RPS6KC1: variants seen among roughly 807,000 people sequenced by gnomAD.
The protein encoded by RPS6KC1 is inactive ribosomal protein S6 kinase delta-1.
A neutral mutation model predicts 103.8 loss-of-function variants in RPS6KC1; 54 were observed. The observed-to-expected ratio is 0.52, with a 90% CI of 0.42 to 0.65. The LOEUF (loss-of-function observed/expected upper bound fraction) is 0.65, where lower values mean the gene tolerates loss of function less well. Among genes scored for constraint, RPS6KC1 ranks in the 30% least tolerant of loss-of-function variants. The pLI is 0.00. For missense variants in RPS6KC1, 1,151 were observed against 1,253.8 expected (o/e 0.92, Z 1.24); for synonymous variants, 439 against 438.7 (o/e 1.00, Z -0.01).
chr1:213,130,523 T>C (rs1390667373), intron 6 of RPS6KC1, among the ~76,000 whole-genome samples: 5 of 152,172 alleles, frequency 3.3e-5, no homozygotes, highest in African/African-American at 1.2e-4. Context: ...TAATCAAAGA[T>C]TGATATTGAC....
chr1:213,438,933 A>G, the RPS6KC1 span, among the ~76,000 whole-genome samples: 1 of 151,744 alleles, frequency 6.6e-6, no homozygotes, highest in South Asian at 2.1e-4. Context: ...AGCTGGGACT[A>G]CAGGCACGTG....
At chr1:213,307,913 G>C in the RPS6KC1 span, among the ~76,000 whole-genome samples, 1 of 152,320 alleles carries the variant, frequency 6.6e-6, no homozygotes, top group African/African-American at 2.4e-5. Context: ...CACAGTACTT[G>C]CTTGGGACCT....
chr1:213,714,386 A>C, the RPS6KC1 span, among the ~76,000 whole-genome samples: 1 of 152,278 alleles, frequency 6.6e-6, no homozygotes, highest in African/African-American at 2.4e-5. Flanking sequence ...AGTCATTTTC[A>C]TACCAGTAGA....
rs149966066 is a variant in RPS6KC1, at chr1:213,093,454, C to T, written c.263-11000C>T. 2.4e-3 allele frequency among the ~76,000 whole-genome samples: 369 copies of T among 152,204 alleles called. 1 individual carries two copies. Among genetic ancestry groups the T allele is most frequent in the African/African-American group, 8.5e-3 (351 of 41,522 alleles). On this transcript the variant is annotated intron_variant, in intron 3 of 14. Coordinates refer to ENST00000366960, the MANE Select transcript of RPS6KC1 (RefSeq NM_012424.6). ...CAAACTCCTGACCTCAGGTGATCCT[C>T]CCGCCTCAGCCTCCCAAAGTCCTGG... is the stretch of plus-strand genomic sequence containing the variant.
chr1:213,706,118 C>T, the RPS6KC1 span, among the ~76,000 whole-genome samples: 1 of 152,142 alleles, frequency 6.6e-6, no homozygotes, highest in South Asian at 2.1e-4. Flanking sequence ...CCTATGGCCC[C>T]CAGTCCACTA....
At chr1:213,597,050 C>T in the RPS6KC1 span, among the ~76,000 whole-genome samples, 94 of 152,226 alleles carry the variant, frequency 6.2e-4, 2 homozygotes, top group African/African-American at 2.1e-3. Flanking sequence ...CTAGACTGTG[C>T]GCCAAGGAGG....
At chr1:213,393,880 G>A in the RPS6KC1 span, among the ~76,000 whole-genome samples, 1 of 152,162 alleles carries the variant, frequency 6.6e-6, no homozygotes, top group Non-Finnish European at 1.5e-5. Flanking sequence ...AAGATCTCAA[G>A]GCATGTTCAA....
chr1:213,627,725 T>C, the RPS6KC1 span, among the ~76,000 whole-genome samples: 2 of 152,248 alleles, frequency 1.3e-5, no homozygotes, highest in Non-Finnish European at 2.9e-5. Flanking sequence ...TGGATTATGT[T>C]TATTGATTTG....
At chr1:213,185,766 C>A (rs548205317) in intron 8 of RPS6KC1, among the ~76,000 whole-genome samples, 3 of 150,548 alleles carry the variant, frequency 2.0e-5, no homozygotes, top group Non-Finnish European at 4.4e-5. Context: ...TTTTGACACT[C>A]CTGTCTTTTT....
chr1:213,205,023 G>A (rs148437536), intron 8 of RPS6KC1, among the ~76,000 whole-genome samples: 78 of 152,188 alleles, frequency 5.1e-4, no homozygotes, highest in African/African-American at 1.8e-3. Flanking sequence ...AGTGGCCAAA[G>A]TATTTTTGGG....
At chr1:213,790,647 G>A in the RPS6KC1 span, among the ~76,000 whole-genome samples, 7 of 152,250 alleles carry the variant, frequency 4.6e-5, no homozygotes, top group Middle Eastern at 6.8e-3. Context: ...ACGTTTTGCC[G>A]TATCATCCAC....
At chr1:213,832,204 G>A in the RPS6KC1 span, among the ~76,000 whole-genome samples, 1 of 152,252 alleles carries the variant, frequency 6.6e-6, no homozygotes, top group Non-Finnish European at 1.5e-5. Flanking sequence ...TTGGGATTGG[G>A]TATTTGCCTA....
At chr1:213,162,849 TG>T (rs2090614072) in intron 6 of RPS6KC1, among the ~76,000 whole-genome samples, 1 of 152,278 alleles carries the variant, frequency 6.6e-6, no homozygotes, top group Non-Finnish European at 1.5e-5. Flanking sequence ...TACTATTCTT[TG>T]GTGACTCTCT....
At chr1:213,066,660 AAGG>A (rs1413193400) in intron 1 of RPS6KC1, among the ~76,000 whole-genome samples, 2 of 152,190 alleles carry the variant, frequency 1.3e-5, no homozygotes, top group Non-Finnish European at 2.9e-5. Context: ...TGTTGCAGTC[AAGG>A]AGATGTCTCA....
At chr1:213,221,248 A>G (rs1382825536) in intron 8 of RPS6KC1, among the ~76,000 whole-genome samples, 1 of 151,900 alleles carries the variant, frequency 6.6e-6, no homozygotes, top group Non-Finnish European at 1.5e-5. Context: ...CATTAGGAGT[A>G]GTATTTCTCT....
the RPS6KC1 span, among the ~76,000 whole-genome samples, chr1:213,600,078 G>A: frequency 5.9e-5 from 9 of 152,082 alleles, no homozygotes; most frequent in Non-Finnish European, 1.3e-4. Context: ...TTTTATAAGC[G>A]TCTGGCATTT....
chr1:213,772,198 A>G, the RPS6KC1 span, among the ~76,000 whole-genome samples: 1 of 152,152 alleles, frequency 6.6e-6, no homozygotes, highest in Non-Finnish European at 1.5e-5. Context: ...TCTTCTTAGC[A>G]CTCAGAGGCC....
chr1:213,501,939 G>C, the RPS6KC1 span, among the ~76,000 whole-genome samples: 1 of 152,122 alleles, frequency 6.6e-6, no homozygotes, highest in Non-Finnish European at 1.5e-5. Context: ...CTCAGGAAAT[G>C]TGGACTCCCT....
chr1:213,715,602 A>G, the RPS6KC1 span, among the ~76,000 whole-genome samples: 3 of 152,374 alleles, frequency 2.0e-5, no homozygotes, highest in African/African-American at 7.2e-5. Flanking sequence ...AGCTGTCTGA[A>G]AATTCACAGA....
Sources: allele counts gnomAD v4.1 joint callset (sites outside exome capture counted in the v4.1 genomes callset), GRCh38; gene constraint gnomAD v4.1.1; transcripts MANE v1.5; gene names NCBI Gene and HGNC (gene_info 2026-07-23, HGNC 2026-07-21).